The following C4orf36 variants were observed in gnomAD, a reference collection of about 807,000 sequenced individuals.
C4orf36 encodes the protein chromosome 4 open reading frame 36.
In C4orf36, 11 loss-of-function variants were observed where a neutral mutation model predicts 12.2. The ratio of observed to expected loss-of-function variants is 0.90; its 90% CI spans 0.57 to 1.49. The LOEUF (loss-of-function observed/expected upper bound fraction) is 1.49. Among genes scored for constraint, C4orf36 ranks in the 40% most tolerant of loss-of-function variants. The probability of loss-of-function intolerance (pLI) is 0.00; values close to 1 mark genes in which losing one functional copy is unlikely to be tolerated. For synonymous variants in C4orf36, 54 were observed against 51.3 expected (o/e 1.05, Z -0.22); for missense variants, 137 against 133.9 (o/e 1.02, Z -0.11).
upstream of C4orf36, among the ~76,000 whole-genome samples, chr4:86,894,657 GACTC>G (rs1747550984): frequency 6.6e-6 from 1 of 152,130 alleles, no homozygotes; most frequent in Non-Finnish European, 1.5e-5. Context: ...TTTCCTGTGT[GACTC>G]ACTGTGAACA....
At chr4:86,924,351 C>T in the C4orf36 span, among the ~76,000 whole-genome samples, 4 of 152,180 alleles carry the variant, frequency 2.6e-5, no homozygotes, top group African/African-American at 2.4e-5. Flanking sequence ...AGACGTGCAT[C>T]GGCACACCTG....
At chr4:86,879,018 T>A (rs1746985645) in intron 4 of C4orf36, among the ~76,000 whole-genome samples, 1 of 152,242 alleles carries the variant, frequency 6.6e-6, no homozygotes, top group Non-Finnish European at 1.5e-5. Flanking sequence ...CTCCCCTGCA[T>A]GAAGCCAATG....
At chr4:86,906,323 G>A in the C4orf36 span, among the ~76,000 whole-genome samples, 1 of 152,112 alleles carries the variant, frequency 6.6e-6, no homozygotes, top group Non-Finnish European at 1.5e-5. Flanking sequence ...ACTTCTCAGA[G>A]GAAGCTCTCT....
the C4orf36 span, among the ~76,000 whole-genome samples, chr4:86,902,685 T>G: frequency 6.6e-6 from 1 of 152,146 alleles, no homozygotes; most frequent in Non-Finnish European, 1.5e-5. Flanking sequence ...CTTGCCCACC[T>G]CCGTCAAGGC....
At chr4:86,906,105 T>C in the C4orf36 span, among the ~76,000 whole-genome samples, 1 of 152,152 alleles carries the variant, frequency 6.6e-6, no homozygotes, top group African/African-American at 2.4e-5. Context: ...TCAGTAATCC[T>C]GACTACCTCA....
intron 2 of C4orf36, among the ~76,000 whole-genome samples, chr4:86,889,425 A>T (rs1747307423): frequency 6.6e-6 from 1 of 152,166 alleles, no homozygotes; most frequent in African/African-American, 2.4e-5. Flanking sequence ...TGTAGTACAA[A>T]CATGTAATGA....
chr4:86,886,448 C>A (rs1747180575), intron 4 of C4orf36: 1 of 152,094 alleles, frequency 6.6e-6, no homozygotes, highest in African/African-American at 2.4e-5. Flanking sequence ...AAAAAGTGGG[C>A]AAAGGATATG....
In C4orf36 at chr4:86,876,347, A is replaced by T; in HGVS notation, c.*99T>A. On this transcript the variant is annotated 3_prime_UTR_variant, in exon 5 of 5. Transcript: ENST00000295898. ...GGCCGGGCCAGGATGGCTGCAGCGC[A>T]GCGACGGCCGGGGCCGGGAGCGGGT... The T allele has an allele frequency of 6.4e-7, 1 of 1,552,982 alleles. No individual in the cohort carries two copies. The highest frequency in any genetic ancestry group is 8.7e-7 in the Non-Finnish European group (1 of 1,151,840).
chr4:86,888,266 A>G lies in C4orf36; in HGVS notation c.75T>C (p.Pro25=). 2 of 1,613,544 alleles carry G rather than the reference A, an allele frequency of 1.2e-6. No homozygotes were observed. Among genetic ancestry groups the G allele is most frequent in the South Asian group, 1.1e-5 (1 of 90,930 alleles). ...LRGSCYNVQE[P]WDIALLAKTW... is the part of the protein sequence containing the mutation. ...TCTTTGCAAGCAATGCAATATCCCA[A>G]GGTTCCTGTCTGGGGCAAAAATTCA... is the stretch of plus-strand genomic sequence containing the variant. The change falls in exon 3 of 5, where the codon CCT becomes CCC. Residue 25 remains proline (P), a synonymous_variant. Transcript: ENST00000295898.
chr4:86,927,190 T>C, the C4orf36 span, among the ~76,000 whole-genome samples: 9 of 152,190 alleles, frequency 5.9e-5, no homozygotes, highest in Admixed American at 2.0e-4. Context: ...AATGAATGAA[T>C]ACATGAATAA....
chr4:86,914,391 C>CT, the C4orf36 span: 18,881 of 322,154 alleles, frequency 0.059, 728 homozygotes, highest in African/African-American at 0.076. Flanking sequence ...CTTCTTCTTC[C>CT]TTTTTTTTTT....
chr4:86,913,454 A>G, the C4orf36 span: 134,894 of 758,766 alleles, frequency 0.18, 13,114 homozygotes, highest in East Asian at 0.3. Context: ...TCCATGTTGC[A>G]AAAGCATTCA....
chr4:86,888,170 C>T lies in C4orf36; in HGVS notation c.171G>A (p.Gln57=), dbSNP rs1476665394. The change falls in exon 3 of 5, where the codon CAG becomes CAA. Residue 57 remains glutamine (Q), a synonymous_variant. Coordinates refer to ENST00000295898, the MANE Select transcript of C4orf36 (RefSeq NM_144645.4). ...LEEISFGGSV[Q]LTKCTTIKDG... ...CTTTAATGGTGGTACATTTTGTGAGCTGCACAGAACCACCAAATGAAATTT... is the reference window on the plus strand; with the variant it reads ...CTTTAATGGTGGTACATTTTGTGAGTTGCACAGAACCACCAAATGAAATTT... The T allele has an allele frequency of 6.2e-7, 1 of 1,614,004 alleles. No individual in the cohort carries two copies. The highest frequency in any genetic ancestry group is 8.5e-7 in the Non-Finnish European group (1 of 1,179,990).
chr4:86,930,258 A>C, the C4orf36 span, among the ~76,000 whole-genome samples: 6 of 152,362 alleles, frequency 3.9e-5, no homozygotes, highest in South Asian at 1.2e-3. Flanking sequence ...AACTGTCAGC[A>C]TGAAAACCCC....
chr4:86,889,351 CAAA>C (rs11357505), intron 2 of C4orf36, among the ~76,000 whole-genome samples: 9 of 118,284 alleles, frequency 7.6e-5, no homozygotes, highest in African/African-American at 1.6e-4. Context: ...AACTCCGTCT[CAAA>C]AAAAAAAAAA....
chr4:86,920,128 C>A, the C4orf36 span, among the ~76,000 whole-genome samples: 1 of 152,186 alleles, frequency 6.6e-6, no homozygotes, highest in Non-Finnish European at 1.5e-5. Flanking sequence ...ACAACTCAGC[C>A]AAGTTCTTTG....
At chr4:86,916,002 A>G in the C4orf36 span, among the ~76,000 whole-genome samples, 15 of 152,158 alleles carry the variant, frequency 9.9e-5, no homozygotes, top group Non-Finnish European at 2.1e-4. Context: ...TTTTGCTTTC[A>G]GACTTCTGGC....
At chr4:86,913,719 C>G in the C4orf36 span, 2 of 1,598,172 alleles carry the variant, frequency 1.3e-6, no homozygotes, top group Non-Finnish European at 1.7e-6. Flanking sequence ...GGCAGAGAAG[C>G]TGACCCTGTG....
At chr4:86,891,369 CAG>C (rs1322590429) in intron 2 of C4orf36, 85 bp downstream of exon 2, 8 of 1,236,688 alleles carry the variant, frequency 6.5e-6, no homozygotes, top group South Asian at 2.5e-5. Context: ...ATGGGGAGCA[CAG>C]AGTGTCCAGT....
Sources: gnomAD v4.1 joint callset for allele counts (sites outside exome capture counted in the v4.1 genomes callset) on GRCh38, gnomAD v4.1.1 for gene constraint, MANE v1.5 for transcripts, NCBI Gene and HGNC (gene_info 2026-07-23, HGNC 2026-07-21) for gene names.